C10orf67: variants seen among roughly 807,000 people sequenced by gnomAD.
C10orf67 encodes the protein uncharacterized protein C10orf67, mitochondrial.
Under a neutral mutation model 35.6 loss-of-function variants are expected in C10orf67, and 60 were observed. The ratio of observed to expected loss-of-function variants is 1.68; its 90% CI spans 1.37 to 2.09. The LOEUF (loss-of-function observed/expected upper bound fraction) is 2.09. Among genes scored for constraint, C10orf67 ranks in the 30% most tolerant of loss-of-function variants. C10orf67 has a pLI of 0.00. For missense variants in C10orf67, 474 were observed against 330.2 expected, an observed-to-expected ratio of 1.44 and a Z score of -3.38; for synonymous variants, 167 against 115.8, an observed-to-expected ratio of 1.44 and a Z score of -2.84.
chr10:23,343,874 G>C (rs1846021710), intron 1 of C10orf67: 1 of 463,120 alleles, frequency 2.2e-6, no homozygotes, highest in Non-Finnish European at 4.5e-6. Flanking sequence ...CTCCGGGGCG[G>C]GCCGGCGGGG....
intron 2 of C10orf67, 32 bp from the exon 3 acceptor site, chr10:23,322,569 T>C: frequency 6.8e-7 from 1 of 1,469,794 alleles, no homozygotes; most frequent in South Asian, 1.2e-5. Context: ...CTTAGCGAAG[T>C]AACACAGGAA....
At position 23,239,777 on chromosome 10, in the gene C10orf67, T is replaced by C. The variant is rs954067133; in HGVS notation, c.1386A>G (p.Thr462=). The change falls in exon 13 of 16, where the codon ACA becomes ACG. Residue 462 remains threonine, a synonymous_variant. Transcript: ENST00000636213. ...CAAGCACTGCAAACTGACGAAACAGTGTGTGCCTTGTAAACATCTCATTCT... is the reference window on the plus strand; with the variant it reads ...CAAGCACTGCAAACTGACGAAACAGCGTGTGCCTTGTAAACATCTCATTCT... The part of the protein sequence containing the change: ...VLKNEMFTRH[T]LFRQFAVLAD... The C allele has an allele frequency of 4.6e-6, 3 of 645,566 alleles. No homozygotes were observed. The highest frequency in any genetic ancestry group is 9.0e-6 in the Non-Finnish European group (3 of 333,500). The allele number at this position is 645,566 out of a possible 1,614,324, so 40.0% of individuals were successfully genotyped here.
chr10:23,265,273 A>C (rs1842858110), intron 10 of C10orf67, among the ~76,000 whole-genome samples: 1 of 152,230 alleles, frequency 6.6e-6, no homozygotes. Flanking sequence ...GAGAGTGGGC[A>C]CGAGAGGTCT....
intron 7 of C10orf67, among the ~76,000 whole-genome samples, chr10:23,282,500 C>T (rs1027648218): frequency 6.6e-6 from 1 of 152,160 alleles, no homozygotes; most frequent in Non-Finnish European, 1.5e-5. Flanking sequence ...CAGTGGCTCA[C>T]ACCTGTAATC....
chr10:23,271,757 T>A (rs2132212360), intron 8 of C10orf67, among the ~76,000 whole-genome samples: 1 of 152,354 alleles, frequency 6.6e-6, no homozygotes, highest in African/African-American at 2.4e-5. Flanking sequence ...CTTGGCCATT[T>A]AAAAAATTGG....
At chr10:23,224,473 C>T (rs568478565) in intron 13 of C10orf67, among the ~76,000 whole-genome samples, 10 of 152,334 alleles carry the variant, frequency 6.6e-5, no homozygotes, top group Non-Finnish European at 1.3e-4. Flanking sequence ...CAGAGCTCCT[C>T]TCCCCCTCCA....
chr10:23,337,183 T>C (rs1339223694), intron 1 of C10orf67, among the ~76,000 whole-genome samples: 3 of 152,046 alleles, frequency 2.0e-5, no homozygotes, highest in East Asian at 1.9e-4. Flanking sequence ...CTCTAATAAA[T>C]ATAGAAAAAA....
In C10orf67 at chr10:23,328,541, T is replaced by C. The variant is rs112594682; in HGVS notation, c.327+4521A>G. On this transcript the variant is annotated intron_variant, in intron 2 of 15. Coordinates refer to ENST00000636213, the MANE Select transcript of C10orf67 (RefSeq NM_001371909.1). Reference sequence around the variant, plus strand: ...TGTGAGAAGATAAAATGAATCTACATCACACAGATCAGAGAGCTACTGCAC... The same window carrying C: ...TGTGAGAAGATAAAATGAATCTACACCACACAGATCAGAGAGCTACTGCAC... Among the ~76,000 whole-genome samples, 314 of 152,210 alleles carry C rather than the reference T, an allele frequency of 2.1e-3. 1 individual carries two copies. Among genetic ancestry groups the C allele is most frequent in the African/African-American group, 7.1e-3 (293 of 41,522 alleles).
intron 15 of C10orf67, among the ~76,000 whole-genome samples, chr10:23,216,702 T>C (rs1334753799): frequency 2.0e-5 from 3 of 152,078 alleles, no homozygotes; most frequent in Non-Finnish European, 2.9e-5. Context: ...TTCAAAAACA[T>C]TTATAGGTAA....
chr10:23,276,462 T>C (rs1203899729), intron 8 of C10orf67, among the ~76,000 whole-genome samples: 1 of 152,092 alleles, frequency 6.6e-6, no homozygotes, highest in Non-Finnish European at 1.5e-5. Flanking sequence ...TCATATAGTG[T>C]GCTAGATGGC....
intron 13 of C10orf67, among the ~76,000 whole-genome samples, chr10:23,236,253 G>GGAAAAAAAAAAA (rs1842047414): frequency 2.6e-5 from 2 of 75,804 alleles, no homozygotes; most frequent in African/African-American, 1.2e-4. Flanking sequence ...CCTCTCGGGG[G>GGAAAAAAAAAAA]AAAAAAAAAA....
At chr10:23,275,387 C>T (rs1564484513) in intron 8 of C10orf67, among the ~76,000 whole-genome samples, 1 of 152,068 alleles carries the variant, frequency 6.6e-6, no homozygotes, top group African/African-American at 2.4e-5. Context: ...GTTGCAAATC[C>T]CCTGTAAGTC....
Position 23,320,155 on chromosome 10 carries a change from G to C in C10orf67, c.546+586C>G, listed in dbSNP as rs188865685. On this transcript the variant is annotated intron_variant, in intron 4 of 15. Coordinates refer to ENST00000636213, the MANE Select transcript of C10orf67 (RefSeq NM_001371909.1). ...TTACATAATTAAATACAGATGTGTTGAGTGCTATGATAAGAAACTTGTAAA... is the reference window on the plus strand; with the variant it reads ...TTACATAATTAAATACAGATGTGTTCAGTGCTATGATAAGAAACTTGTAAA... Among the ~76,000 whole-genome samples, 27 of 152,296 alleles carry C rather than the reference G, an allele frequency of 1.8e-4. No individual in the cohort carries two copies. The East Asian group carries it at 5.0e-3, about 28-fold the overall frequency.
intron 10 of C10orf67, among the ~76,000 whole-genome samples, chr10:23,252,896 C>A (rs1051302574): frequency 1.6e-4 from 25 of 152,076 alleles, no homozygotes; most frequent in African/African-American, 6.0e-4. Context: ...ATAATTCCCA[C>A]GTGTTGTGGG....
intron 1 of C10orf67, among the ~76,000 whole-genome samples, chr10:23,338,043 C>T (rs1365598060): frequency 1.3e-5 from 2 of 152,138 alleles, no homozygotes; most frequent in African/African-American, 4.8e-5. Context: ...TTGGAAGGAA[C>T]AGATTGAGAG....
rs1304330310 is a variant in C10orf67, at chr10:23,202,940, G to A, written c.*1233C>T. 6.6e-6 allele frequency: 1 copy of A among 152,194 alleles called. No individual in the cohort carries two copies. The highest frequency in any genetic ancestry group is 6.5e-5 in the Admixed American group (1 of 15,284). 9.4% of individuals were successfully genotyped at this position (152,194 alleles called of 1,614,324 possible). The stretch of plus-strand genomic sequence containing the variant: ...ATGGCTGGCAGCCAGTTCTGGGAAA[G>A]ATTCCAGACCTGACTCCGATTAACC... On this transcript the variant is annotated 3_prime_UTR_variant, in exon 16 of 16. Transcript: ENST00000636213.
At chr10:23,296,391 G>C (rs537943165) in intron 5 of C10orf67, among the ~76,000 whole-genome samples, 3 of 152,234 alleles carry the variant, frequency 2.0e-5, no homozygotes, top group Admixed American at 6.5e-5. Context: ...GCATTTCAGT[G>C]AGCTCTCCTT....
chr10:23,323,932 TATATATATATATATATATATAC>T (rs1564513643), intron 2 of C10orf67, among the ~76,000 whole-genome samples: 2 of 54,630 alleles, frequency 3.7e-5, no homozygotes, highest in East Asian at 4.8e-3. Context: ...TATATATATA[TATATATATATATATATATATAC>T]ACACACACAC....
chr10:23,320,838 T>A, intron 3 of C10orf67, 23 bp from the exon 4 acceptor site: 1 of 1,498,588 alleles, frequency 6.7e-7, no homozygotes, highest in Non-Finnish European at 9.1e-7. Context: ...ATAAATGCAA[T>A]AAGCACCATA....
Sources: allele counts gnomAD v4.1 joint callset (sites outside exome capture counted in the v4.1 genomes callset), GRCh38; gene constraint gnomAD v4.1.1; transcripts MANE v1.5; gene names NCBI Gene and HGNC (gene_info 2026-07-23, HGNC 2026-07-21).